Variants in CFAP46 observed in about 807,000 individuals in gnomAD.
The protein encoded by CFAP46 is cilia and flagella associated protein 46.
Under a neutral mutation model 325.7 loss-of-function variants are expected in CFAP46, and 245 were observed. The ratio of observed to expected loss-of-function variants is 0.75; its 90% CI spans 0.68 to 0.84. The LOEUF is 0.84. CFAP46 is among the 40% of genes least tolerant of loss of function. The probability of loss-of-function intolerance (pLI) is 0.00; values close to 1 mark genes in which losing one functional copy is unlikely to be tolerated. For synonymous variants in CFAP46, 1,523 were observed against 1,495.9 expected, an observed-to-expected ratio of 1.02 and a Z score of -0.42; for missense variants, 3,346 against 3,543.0, an observed-to-expected ratio of 0.94 and a Z score of 1.41.
intron 35 of CFAP46, among the ~76,000 whole-genome samples, chr10:132,862,381 T>G (rs528552068): frequency 8.5e-6 from 1 of 118,090 alleles, no homozygotes. Flanking sequence ...GGTGCGGAGG[T>G]GGGACAGAGC....
intron 50 of CFAP46, among the ~76,000 whole-genome samples, chr10:132,821,285 G>GTGTGTT (rs1330900049): frequency 1.7e-4 from 24 of 141,144 alleles, no homozygotes; most frequent in African/African-American, 5.7e-4. Flanking sequence ...TGTGAGTGCT[G>GTGTGTT]ATGTGTGCTG....
chr10:132,920,753 G>A (rs1849710701), intron 13 of CFAP46, among the ~76,000 whole-genome samples: 1 of 152,210 alleles, frequency 6.6e-6, no homozygotes, highest in African/African-American at 2.4e-5. Context: ...GCCACTCAAC[G>A]GCATCCTCCC....
At chr10:132,887,712 C>T (rs868593960) in intron 25 of CFAP46, among the ~76,000 whole-genome samples, 3 of 106,108 alleles carry the variant, frequency 2.8e-5, no homozygotes, top group South Asian at 3.5e-4. Flanking sequence ...TCTCTCTCTC[C>T]GCTCCTCTCT....
intron 56 of CFAP46, 173 bp downstream of exon 56, chr10:132,810,777 C>T (rs1591026521): frequency 4.0e-6 from 3 of 752,174 alleles, no homozygotes; most frequent in Middle Eastern, 2.9e-4. Flanking sequence ...AGCCGCCCCC[C>T]TCCCCATGCA....
chr10:132,901,185 G>A (rs1380720607), intron 22 of CFAP46, among the ~76,000 whole-genome samples: 6 of 152,154 alleles, frequency 3.9e-5, no homozygotes, highest in African/African-American at 1.4e-4. Flanking sequence ...CATTTGAAGA[G>A]GGTCTCCTGT....
intron 50 of CFAP46, among the ~76,000 whole-genome samples, chr10:132,824,719 ACTGATGTGTGCTGTG>A (rs1848000544): frequency 8.0e-5 from 1 of 12,484 alleles, no homozygotes; most frequent in Non-Finnish European, 1.2e-4. Flanking sequence ...CTGTGTGTGT[ACTGATGTGTGCTGTG>A]TGTGTGCTGT....
chr10:132,822,820 T>C (rs1162203378), intron 50 of CFAP46, among the ~76,000 whole-genome samples: 2 of 78,328 alleles, frequency 2.6e-5, no homozygotes. Flanking sequence ...TGCTGTGTGC[T>C]GTGTGTGCTG....
intron 24 of CFAP46, among the ~76,000 whole-genome samples, chr10:132,894,346 G>A (rs1849293356): frequency 6.6e-6 from 1 of 152,178 alleles, no homozygotes; most frequent in South Asian, 2.1e-4. Flanking sequence ...ACTTACGGGA[G>A]GCAGTGAGAG....
intron 55 of CFAP46, 88 bp from the exon 56 acceptor site, chr10:132,811,119 G>C (rs1002015721): frequency 1.8e-6 from 2 of 1,109,516 alleles, no homozygotes; most frequent in Admixed American, 4.0e-5. Flanking sequence ...TGTGCCCCAA[G>C]GGCGCAGCAG....
chr10:132,847,224 G>T lies in CFAP46; in HGVS notation c.6050C>A (p.Ala2017Asp), dbSNP rs778377116. 6.2e-7 allele frequency: 1 copy of T among 1,613,100 alleles called. No homozygotes were observed. Among genetic ancestry groups the T allele is most frequent in the Admixed American group, 1.7e-5 (1 of 60,024 alleles). The change falls in exon 42 of 58, where the codon GCC becomes GAC. Residue 2017 changes from alanine to aspartate, a missense_variant. Physicochemically the swap from Ala to Asp is moderately radical, Grantham distance 126 (BLOSUM62 -2). Coordinates refer to ENST00000368586, the MANE Select transcript of CFAP46 (RefSeq NM_001200049.3). This position sits in a 1 kb window ranked among gnomAD's most constrained non-coding sequence, Gnocchi z 5.2. ...GCCTCTCCTGCAGTGCTCCTCCGGG[G>T]CTGCCCTGGAGGCCGGCGGGTCCCT... ...SSRDPPASRA[A>D]PEEHCRRGED... is the part of the protein sequence containing the mutation.
rs1479320796 is a variant in CFAP46 at position 132,817,044 on chromosome 10, C to T, written c.7118-2130G>A. Among the ~76,000 whole-genome samples, 1 of 152,142 alleles carries T rather than the reference C, an allele frequency of 6.6e-6. No homozygotes were observed. Among genetic ancestry groups the T allele is most frequent in the Non-Finnish European group, 1.5e-5 (1 of 68,034 alleles). On this transcript the variant is annotated intron_variant, in intron 50 of 57. Transcript: ENST00000368586. The surrounding 1 kb of genome is among the most constrained non-coding windows in gnomAD (Gnocchi z 4.4). ...AAGCCAAGATTGTTAATTATGTCGCCCTGAATCTCTCTCTTTTTGCTCTTT... is the reference window on the plus strand; with the variant it reads ...AAGCCAAGATTGTTAATTATGTCGCTCTGAATCTCTCTCTTTTTGCTCTTT...
chr10:132,810,208 G>A (rs1847551103), intron 57 of CFAP46, among the ~76,000 whole-genome samples: 1 of 152,216 alleles, frequency 6.6e-6, no homozygotes, highest in African/African-American at 2.4e-5. Context: ...TGGGGGGCTG[G>A]GGTGGTACAG....
chr10:132,940,670 C>A (rs533349571), intron 4 of CFAP46, among the ~76,000 whole-genome samples: 1 of 152,114 alleles, frequency 6.6e-6, no homozygotes, highest in Non-Finnish European at 1.5e-5. Flanking sequence ...CTCCGCCTCC[C>A]GAGTTCAAGT....
intron 8 of CFAP46, 41 bp downstream of exon 8, chr10:132,934,711 C>A: frequency 7.6e-7 from 1 of 1,309,216 alleles, no homozygotes; most frequent in Non-Finnish European, 1.1e-6. Context: ...TTTTGTACAA[C>A]GATTATGAAG....
chr10:132,926,366 G>A (rs999880068), intron 10 of CFAP46, among the ~76,000 whole-genome samples: 6 of 152,144 alleles, frequency 3.9e-5, no homozygotes, highest in African/African-American at 1.2e-4. Flanking sequence ...CCAGGGCGGC[G>A]TGTAGGCCCC....
chr10:132,927,926 C>T (rs970424757), intron 9 of CFAP46, among the ~76,000 whole-genome samples: 3 of 152,200 alleles, frequency 2.0e-5, no homozygotes, highest in Non-Finnish European at 2.9e-5. Flanking sequence ...AGGTCGCTTT[C>T]GACCAGTGGT....
At chr10:132,899,777 G>A (rs908870438) in intron 22 of CFAP46, 111 bp from the exon 23 acceptor site, 1 of 1,238,766 alleles carries the variant, frequency 8.1e-7, no homozygotes, top group African/African-American at 1.5e-5. Context: ...TCTAAGATGG[G>A]GCACCTCCTG....
chr10:132,909,170 G>A lies in CFAP46; in HGVS notation c.2724C>T (p.Gly908=), dbSNP rs1372060734. The change falls in exon 21 of 58, where the codon GGC becomes GGT. Residue 908 remains glycine, a synonymous_variant. Transcript: ENST00000368586. ...GGGAGGGGACAGTGAAGTCCATGAG[G>A]CCCAGCCCGTTGCATGAGTACATTT... ...ALEMYSCNGL[G]LMDFTVPSLA... 1.3e-6 allele frequency: 2 copies of A among 1,549,910 alleles called. No individual in the cohort carries two copies. The highest frequency in any genetic ancestry group is 1.4e-5 in the African/African-American group (1 of 73,032).
chr10:132,893,421 C>T lies in CFAP46; in HGVS notation c.3220-1004G>A, dbSNP rs117911305. Among the ~76,000 whole-genome samples the T allele has an allele frequency of 2.6e-3, 393 of 152,314 alleles. 6 individuals are homozygous for T. In the South Asian group the frequency reaches 0.061, roughly 24 times the overall value. On this transcript the variant is annotated intron_variant, in intron 24 of 57. Coordinates refer to ENST00000368586, the MANE Select transcript of CFAP46 (RefSeq NM_001200049.3). ...CCACAGAGGCTCACGCCACTTGCAGCGGGGAGGAGCCTGGCCCCTCCTCCT... is the reference window on the plus strand; with the variant it reads ...CCACAGAGGCTCACGCCACTTGCAGTGGGGAGGAGCCTGGCCCCTCCTCCT...
Sources: allele counts gnomAD v4.1 joint callset (sites outside exome capture counted in the v4.1 genomes callset), GRCh38; gene constraint gnomAD v4.1.1; non-coding constraint Gnocchi (gnomAD v3.1); transcripts MANE v1.5; gene names NCBI Gene and HGNC (gene_info 2026-07-23, HGNC 2026-07-21).